Variants in MAGI2 observed in about 807,000 individuals in gnomAD.
The protein encoded by MAGI2 is membrane associated guanylate kinase, WW and PDZ domain containing 2.
MAGI2 carries 35 observed loss-of-function variants against 133.3 expected under a neutral mutation model. That is an observed-to-expected ratio of 0.26 (90% CI 0.20 to 0.35). The LOEUF (loss-of-function observed/expected upper bound fraction) is 0.35, where lower values mean the gene tolerates loss of function less well. Ranked by LOEUF, MAGI2 falls within the 10% of genes least tolerant of loss-of-function variation. The pLI, the probability that MAGI2 is intolerant of heterozygous loss-of-function variation, is 1.00. For missense variants in MAGI2, 1,636 were observed against 1,863.4 expected, an observed-to-expected ratio of 0.88 and a Z score of 2.25; for synonymous variants, 729 against 710.6, an observed-to-expected ratio of 1.03 and a Z score of -0.41.
At chr7:79,350,727 A>T (rs183892642) in intron 1 of MAGI2, among the ~76,000 whole-genome samples, 1 of 152,290 alleles carries the variant, frequency 6.6e-6, no homozygotes, top group East Asian at 1.9e-4. Flanking sequence ...TGGATTAAAC[A>T]GTCATTCTTC....
At chr7:78,785,574 CT>C (rs1291379484) in intron 2 of MAGI2, among the ~76,000 whole-genome samples, 1 of 151,984 alleles carries the variant, frequency 6.6e-6, no homozygotes, top group Non-Finnish European at 1.5e-5. Flanking sequence ...TATTTGTTTC[CT>C]TTTTTGGGAT....
At chr7:79,302,318 C>T (rs1391866351) in intron 1 of MAGI2, among the ~76,000 whole-genome samples, 3 of 152,176 alleles carry the variant, frequency 2.0e-5, no homozygotes, top group African/African-American at 7.2e-5. Flanking sequence ...AGACAAAGTT[C>T]ATATTACATT....
At chr7:78,244,850 A>C (rs1747263297) in intron 10 of MAGI2, among the ~76,000 whole-genome samples, 1 of 152,226 alleles carries the variant, frequency 6.6e-6, no homozygotes, top group Admixed American at 6.5e-5. Flanking sequence ...GCTTTGTATA[A>C]AATTTATTAC....
intron 2 of MAGI2, among the ~76,000 whole-genome samples, chr7:78,943,550 C>T (rs1442399165): frequency 1.3e-5 from 2 of 152,106 alleles, no homozygotes; most frequent in African/African-American, 2.4e-5. Context: ...CATTATTGTA[C>T]TTTCTGGTAA....
intron 2 of MAGI2, among the ~76,000 whole-genome samples, chr7:78,700,963 T>A (rs376113400): frequency 0.12 from 8,081 of 69,640 alleles, 267 homozygotes; most frequent in Admixed American, 0.22. Flanking sequence ...ACATATAATT[T>A]AAATATATGA....
chr7:78,557,085 A>T (rs1441948418), intron 3 of MAGI2, among the ~76,000 whole-genome samples: 4 of 144,332 alleles, frequency 2.8e-5, no homozygotes, highest in Admixed American at 7.1e-5. Flanking sequence ...AGTCTCAAAA[A>T]AAAAAAAAAA....
chr7:78,815,618 G>A (rs1212751338), intron 2 of MAGI2, among the ~76,000 whole-genome samples: 6 of 152,076 alleles, frequency 3.9e-5, no homozygotes, highest in Non-Finnish European at 5.9e-5. Context: ...GTCACGTTTG[G>A]TAATTCTTGC....
rs1491494586 is a variant in MAGI2, at chr7:79,449,897, T to TATAA, written c.301+3122_301+3123insTTAT. 6.7e-4 allele frequency among the ~76,000 whole-genome samples: 89 copies of TATAA among 132,344 alleles called. 2 individuals are homozygous for TATAA. Among genetic ancestry groups the TATAA allele is most frequent in the African/African-American group, 2.2e-3 (82 of 36,800 alleles). The allele number at this position is 132,344 out of a possible 152,430, so 86.8% of individuals were successfully genotyped here. Reference sequence around the variant, plus strand: ...ATATACATATATATATATATATATATAATGTCTTAAAATCCCAACATTTTA... The same window carrying TATAA: ...ATATACATATATATATATATATATATATAAAATGTCTTAAAATCCCAACATTTTA... On this transcript the variant is annotated intron_variant, in intron 1 of 21. Transcript: ENST00000354212.
intron 1 of MAGI2, among the ~76,000 whole-genome samples, chr7:79,277,926 G>A (rs1290212301): frequency 6.6e-6 from 1 of 152,088 alleles, no homozygotes; most frequent in Non-Finnish European, 1.5e-5. Context: ...AGTTTCATAA[G>A]TGACAATTAG....
intron 2 of MAGI2, among the ~76,000 whole-genome samples, chr7:78,735,982 T>C (rs1327254388): frequency 6.6e-6 from 1 of 152,200 alleles, no homozygotes; most frequent in African/African-American, 2.4e-5. Flanking sequence ...GATCAAGTAC[T>C]GTGTACTAAG....
chr7:79,330,178 ATCTTTT>A (rs1839962673), intron 1 of MAGI2, among the ~76,000 whole-genome samples: 2 of 104,426 alleles, frequency 1.9e-5, no homozygotes, highest in East Asian at 4.6e-4. Flanking sequence ...AACAATCTGC[ATCTTTT>A]TTTTTTTTTT....
intron 9 of MAGI2, among the ~76,000 whole-genome samples, chr7:78,324,330 C>G (rs1004048750): frequency 1.3e-5 from 2 of 151,992 alleles, no homozygotes; most frequent in African/African-American, 2.4e-5. Flanking sequence ...CCAACCAGAG[C>G]CTGAGAGGCA....
At chr7:78,346,925 A>G (rs1343360378) in intron 7 of MAGI2, among the ~76,000 whole-genome samples, 2 of 152,198 alleles carry the variant, frequency 1.3e-5, no homozygotes, top group Non-Finnish European at 2.9e-5. Context: ...GAAACTGACA[A>G]ATACTGAGTA....
At chr7:78,048,031 C>T (rs1811613420) in intron 21 of MAGI2, among the ~76,000 whole-genome samples, 1 of 152,226 alleles carries the variant, frequency 6.6e-6, no homozygotes, top group Non-Finnish European at 1.5e-5. Context: ...TTGGCTTTGC[C>T]TATCAGATAA....
intron 3 of MAGI2, among the ~76,000 whole-genome samples, chr7:78,540,031 G>A (rs1483717761): frequency 6.6e-6 from 1 of 152,178 alleles, no homozygotes; most frequent in Non-Finnish European, 1.5e-5. Flanking sequence ...GCCAGGAGGT[G>A]GCGCTTTCAA....
At position 79,428,531 on chromosome 7, in the gene MAGI2, T is replaced by C. The variant is rs561656687; in HGVS notation, c.301+24489A>G. On this transcript the variant is annotated intron_variant, in intron 1 of 21. Transcript: ENST00000354212. The stretch of plus-strand genomic sequence containing the variant: ...GCTTTGGACTATGATTATTCATTAA[T>C]AGGCTTTTCTGTCTTTATAGTTGGA... Among the ~76,000 whole-genome samples the C allele has an allele frequency of 7.2e-5, 11 of 152,314 alleles. No homozygotes were observed. The South Asian group carries it at 2.3e-3, about 32-fold the overall frequency.
intron 1 of MAGI2, among the ~76,000 whole-genome samples, chr7:79,144,096 T>A (rs555921438): frequency 6.6e-6 from 1 of 152,242 alleles, no homozygotes; most frequent in Non-Finnish European, 1.5e-5. Context: ...ACAATCATTG[T>A]ACTTACCTCA....
At chr7:78,642,421 T>C (rs544954422) in intron 2 of MAGI2, among the ~76,000 whole-genome samples, 2 of 152,316 alleles carry the variant, frequency 1.3e-5, no homozygotes, top group East Asian at 3.9e-4. Context: ...CTGTGTTGCA[T>C]TGCAGCAAAA....
At chr7:78,226,294 G>A (rs78106904) in intron 10 of MAGI2, among the ~76,000 whole-genome samples, 2,809 of 146,980 alleles carry the variant, frequency 0.019, 83 homozygotes, top group African/African-American at 0.065. Flanking sequence ...ATGTCAGAGA[G>A]TGACTGCAGA....
Sources: gnomAD v4.1 joint callset for allele counts (sites outside exome capture counted in the v4.1 genomes callset) on GRCh38, gnomAD v4.1.1 for gene constraint, MANE v1.5 for transcripts, NCBI Gene and HGNC (gene_info 2026-07-23, HGNC 2026-07-21) for gene names.